The following PEAK1 variants were observed in gnomAD, a reference collection of about 807,000 sequenced individuals.
PEAK1 encodes the protein pseudopodium enriched atypical kinase 1.
A neutral mutation model predicts 124.7 loss-of-function variants in PEAK1; 54 were observed. That is an observed-to-expected ratio of 0.43 (90% CI 0.35 to 0.54). PEAK1 has a LOEUF of 0.54. PEAK1 is among the 20% of genes least tolerant of loss of function. The pLI is 0.01. For missense variants in PEAK1, 2,046 were observed against 2,134.5 expected (o/e 0.96, Z 0.82); for synonymous variants, 719 against 760.0 (o/e 0.95, Z 0.89).
At chr15:77,342,769 T>C (rs911058226) in intron 2 of PEAK1, among the ~76,000 whole-genome samples, 3 of 152,174 alleles carry the variant, frequency 2.0e-5, no homozygotes, top group Non-Finnish European at 2.9e-5. Flanking sequence ...AGTTCTTCCA[T>C]GTTGTAGCAT....
At chr15:77,385,422 A>T (rs1039145931) in intron 1 of PEAK1, among the ~76,000 whole-genome samples, 1 of 152,236 alleles carries the variant, frequency 6.6e-6, no homozygotes, top group Non-Finnish European at 1.5e-5. Flanking sequence ...CAAACTTCAG[A>T]TTAAAATGTC....
At chr15:77,337,223 CAAGAT>C (rs936412807) in intron 2 of PEAK1, 1 of 982,158 alleles carries the variant, frequency 1.0e-6, no homozygotes, top group Non-Finnish European at 1.2e-6. Flanking sequence ...TCAGCCAAGA[CAAGAT>C]AATACAGACA....
At position 77,133,093 on chromosome 15, in the gene PEAK1, G is replaced by A; in HGVS notation, c.3989C>T (p.Thr1330Ile). The change falls in exon 9 of 10, where the codon ACC becomes ATC. Residue 1330 changes from threonine to isoleucine, a missense_variant. By Grantham distance (89) the Thr-to-Ile change is moderately conservative (BLOSUM62 -1). Coordinates refer to ENST00000682557, the MANE Select transcript of PEAK1 (RefSeq NM_001385026.1). This position sits in a 1 kb window ranked among gnomAD's most constrained non-coding sequence, Gnocchi z 4.2. ...GVDSWSDFRL[T>I]SDKPCCEAGD... is the part of the protein sequence containing the mutation. ...TGCCTCACAACATGGTTTGTCACTG[G>A]TTAGCCTGAAGTCTGACCAGCTGTC... 6.2e-7 allele frequency: 1 copy of A among 1,614,154 alleles called. No homozygotes were observed. Among genetic ancestry groups the A allele is most frequent in the South Asian group, 1.1e-5 (1 of 91,078 alleles).
chr15:77,265,413 AAAAC>A (rs1368699917), intron 5 of PEAK1, among the ~76,000 whole-genome samples: 1 of 152,202 alleles, frequency 6.6e-6, no homozygotes, highest in Non-Finnish European at 1.5e-5. Context: ...TTACAAGAAA[AAAAC>A]AAACAACCCC....
chr15:77,410,075 GTT>G (rs71145825), intron 1 of PEAK1, among the ~76,000 whole-genome samples: 6 of 141,268 alleles, frequency 4.2e-5, no homozygotes, highest in Admixed American at 1.4e-4. Context: ...GTGTGTGTGT[GTT>G]TTTTTTTTTT....
intron 1 of PEAK1, among the ~76,000 whole-genome samples, chr15:77,406,935 A>C (rs916458623): frequency 6.6e-6 from 1 of 152,194 alleles, no homozygotes; most frequent in Non-Finnish European, 1.5e-5. Flanking sequence ...CACGTAGACC[A>C]ATTTGAACAG....
At chr15:77,360,635 T>C (rs1165977067) in intron 2 of PEAK1, among the ~76,000 whole-genome samples, 1 of 152,140 alleles carries the variant, frequency 6.6e-6, no homozygotes, top group Non-Finnish European at 1.5e-5. Context: ...GACTCTTCTT[T>C]ATAGGTGGGT....
intron 2 of PEAK1, among the ~76,000 whole-genome samples, chr15:77,301,954 T>C (rs1249651708): frequency 6.6e-6 from 1 of 152,238 alleles, no homozygotes; most frequent in East Asian, 1.9e-4. Context: ...ACAATACTTT[T>C]ATTTTGTTGC....
rs1055985190 is a variant in PEAK1 at position 77,276,799 on chromosome 15, A to G, written c.-275+7084T>C. The stretch of plus-strand genomic sequence containing the variant: ...TGTATGTAAAGAAAATAAAACCATT[A>G]ATACACATAAAAATATATATAAACA... On this transcript the variant is annotated intron_variant, in intron 5 of 9. Coordinates refer to ENST00000682557, the MANE Select transcript of PEAK1 (RefSeq NM_001385026.1). Among the ~76,000 whole-genome samples the G allele has an allele frequency of 3.3e-5, 5 of 152,272 alleles. 1 individual carries two copies. In the South Asian group the frequency reaches 1.0e-3, roughly 32 times the overall value.
chr15:77,298,064 CAAAAAAAAAA>C (rs771222323), intron 2 of PEAK1, among the ~76,000 whole-genome samples: 3 of 31,556 alleles, frequency 9.5e-5, no homozygotes, highest in South Asian at 2.1e-3. Flanking sequence ...GACTCCGTCT[CAAAAAAAAAA>C]AAAAAAAAAA....
chr15:77,189,648 G>A (rs2057735468), intron 6 of PEAK1, among the ~76,000 whole-genome samples: 1 of 152,204 alleles, frequency 6.6e-6, no homozygotes, highest in Non-Finnish European at 1.5e-5. Flanking sequence ...GTGTTTCAGA[G>A]TGTTGAGGAA....
At chr15:77,150,062 T>C (rs2054470009) in intron 8 of PEAK1, among the ~76,000 whole-genome samples, 1 of 152,100 alleles carries the variant, frequency 6.6e-6, no homozygotes, top group African/African-American at 2.4e-5. Flanking sequence ...ATCACATACT[T>C]TTAAAAGGAA....
intron 1 of PEAK1, among the ~76,000 whole-genome samples, chr15:77,413,126 G>A (rs962981969): frequency 2.0e-5 from 3 of 152,192 alleles, no homozygotes; most frequent in Non-Finnish European, 4.4e-5. Context: ...AATTGCTGCA[G>A]GCAAGATCCA....
chr15:77,408,150 TACATACACACACAC>T (rs1410320107), intron 1 of PEAK1, among the ~76,000 whole-genome samples: 1 of 21,400 alleles, frequency 4.7e-5, no homozygotes, highest in African/African-American at 1.1e-4. Flanking sequence ...TACACATATA[TACATACACACACAC>T]ACACACACAC....
chr15:77,258,556 G>A (rs908048718), intron 5 of PEAK1, among the ~76,000 whole-genome samples: 10 of 152,152 alleles, frequency 6.6e-5, no homozygotes, highest in African/African-American at 1.9e-4. Flanking sequence ...AAGAATGCTT[G>A]TGATTTTGTA....
chr15:77,402,246 T>C, intron 1 of PEAK1: 1 of 982,800 alleles, frequency 1.0e-6, no homozygotes, highest in Non-Finnish European at 1.2e-6. Flanking sequence ...AAATTCAGAA[T>C]GGAACAGAAA....
intron 5 of PEAK1, among the ~76,000 whole-genome samples, chr15:77,261,340 T>C (rs1039520635): frequency 2.6e-5 from 4 of 152,032 alleles, no homozygotes; most frequent in African/African-American, 9.7e-5. Context: ...AAGGAGGAAG[T>C]TCGAACCCAT....
At position 77,279,267 on chromosome 15, in the gene PEAK1, ACTT is replaced by A. The variant is rs372929727; in HGVS notation, c.-275+4613_-275+4615del. ...TACCTTTCCCTTCTAGCTTTGAGAG[ACTT>A]CTTCTTGGATCTCAGGAGGAGGGAT... On this transcript the variant is annotated intron_variant, in intron 5 of 9. Coordinates refer to ENST00000682557, the MANE Select transcript of PEAK1 (RefSeq NM_001385026.1). Among the ~76,000 whole-genome samples, 96 of 152,074 alleles carry A rather than the reference ACTT, an allele frequency of 6.3e-4. 1 individual carries two copies. In the East Asian group the frequency reaches 0.012, roughly 18 times the overall value.
chr15:77,177,471 G>A (rs770116230), intron 7 of PEAK1, among the ~76,000 whole-genome samples: 3 of 151,588 alleles, frequency 2.0e-5, no homozygotes, highest in Non-Finnish European at 4.4e-5. Flanking sequence ...TAAAGAATGT[G>A]TATAAAACTT....
Sources: gnomAD v4.1 joint callset for allele counts (sites outside exome capture counted in the v4.1 genomes callset) on GRCh38, gnomAD v4.1.1 for gene constraint, Gnocchi (gnomAD v3.1) non-coding constraint, MANE v1.5 for transcripts, NCBI Gene and HGNC (gene_info 2026-07-23, HGNC 2026-07-21) for gene names.